PRKCE: variants seen among roughly 807,000 people sequenced by gnomAD.
The protein encoded by PRKCE is protein kinase C epsilon.
A neutral mutation model predicts 85.4 loss-of-function variants in PRKCE; 16 were observed. The ratio of observed to expected loss-of-function variants is 0.19; its 90% CI spans 0.13 to 0.28. The LOEUF (loss-of-function observed/expected upper bound fraction) is 0.28, where lower values mean the gene tolerates loss of function less well. Among genes scored for constraint, PRKCE ranks in the 10% least tolerant of loss-of-function variants. The probability of loss-of-function intolerance (pLI) is 1.00; values close to 1 mark genes in which losing one functional copy is unlikely to be tolerated. For synonymous variants in PRKCE, 388 were observed against 371.5 expected, an observed-to-expected ratio of 1.04 and a Z score of -0.51; for missense variants, 573 against 975.2, an observed-to-expected ratio of 0.59 and a Z score of 5.49.
chr2:45,721,450 G>C (rs1680610512), intron 1 of PRKCE, among the ~76,000 whole-genome samples: 1 of 152,186 alleles, frequency 6.6e-6, no homozygotes, highest in Non-Finnish European at 1.5e-5. Context: ...AGTGCAGAAG[G>C]TGGAATTCTC....
chr2:45,931,287 A>C (rs992286676), intron 2 of PRKCE, among the ~76,000 whole-genome samples: 1 of 152,220 alleles, frequency 6.6e-6, no homozygotes, highest in African/African-American at 2.4e-5. Flanking sequence ...CTTTGTGCTC[A>C]ATGCTGTGAT....
At chr2:46,038,443 G>C (rs1178227179) in intron 10 of PRKCE, among the ~76,000 whole-genome samples, 8 of 152,194 alleles carry the variant, frequency 5.3e-5, no homozygotes, top group African/African-American at 1.9e-4. Context: ...ACTTACCCAT[G>C]GGCAGGATAT....
intron 1 of PRKCE, among the ~76,000 whole-genome samples, chr2:45,670,349 T>G (rs1452020334): frequency 2.0e-5 from 3 of 152,218 alleles, no homozygotes; most frequent in Non-Finnish European, 2.9e-5. Context: ...TCTAGGCTAT[T>G]GGTTTTCAAA....
chr2:45,889,002 C>A (rs1022468502), intron 2 of PRKCE, among the ~76,000 whole-genome samples: 1 of 151,736 alleles, frequency 6.6e-6, no homozygotes, highest in African/African-American at 2.4e-5. Context: ...TGAGATACCC[C>A]CAAAGAGGTA....
intron 13 of PRKCE, among the ~76,000 whole-genome samples, chr2:46,158,917 A>C (rs752311215): frequency 1.3e-5 from 2 of 152,140 alleles, no homozygotes; most frequent in Non-Finnish European, 2.9e-5. Context: ...GGATCGCCAG[A>C]CACCACCCAG....
intron 10 of PRKCE, among the ~76,000 whole-genome samples, chr2:46,052,054 A>G (rs988479019): frequency 2.0e-5 from 3 of 152,222 alleles, no homozygotes; most frequent in Non-Finnish European, 4.4e-5. Flanking sequence ...AGATCTGGGT[A>G]GGGACACAAA....
At chr2:46,106,687 G>A (rs557414751) in intron 11 of PRKCE, among the ~76,000 whole-genome samples, 3 of 152,176 alleles carry the variant, frequency 2.0e-5, no homozygotes, top group African/African-American at 4.8e-5. Flanking sequence ...TTTTCTGTGT[G>A]TCTGAATGTC....
At chr2:45,872,081 C>A (rs1694135429) in intron 2 of PRKCE, among the ~76,000 whole-genome samples, 1 of 143,192 alleles carries the variant, frequency 7.0e-6, no homozygotes, top group African/African-American at 2.6e-5. Context: ...AGATAGATTG[C>A]AGATACTTGA....
intron 11 of PRKCE, among the ~76,000 whole-genome samples, chr2:46,114,021 G>T (rs1215185614): frequency 6.6e-6 from 1 of 152,028 alleles, no homozygotes; most frequent in Non-Finnish European, 1.5e-5. Context: ...TGCAGTTTGG[G>T]TTTAACGGGA....
chr2:46,020,925 C>T (rs1558969599), intron 10 of PRKCE, among the ~76,000 whole-genome samples: 1 of 152,206 alleles, frequency 6.6e-6, no homozygotes, highest in African/African-American at 2.4e-5. Flanking sequence ...TTACCCAAGT[C>T]CCATGGGATG....
chr2:46,104,296 C>CTTTTT (rs59018550), intron 11 of PRKCE, among the ~76,000 whole-genome samples: 8,536 of 118,202 alleles, frequency 0.072, 430 homozygotes, highest in Middle Eastern at 0.11. Context: ...TCACCTTGTA[C>CTTTTT]TTTTTTTTTT....
chr2:46,140,920 G>A (rs933083891), intron 11 of PRKCE, among the ~76,000 whole-genome samples: 2 of 152,034 alleles, frequency 1.3e-5, no homozygotes, highest in African/African-American at 2.4e-5. Context: ...AAACATGCTC[G>A]AACTTACAGA....
chr2:46,079,708 G>A (rs1668889679), intron 10 of PRKCE, among the ~76,000 whole-genome samples: 1 of 152,242 alleles, frequency 6.6e-6, no homozygotes, highest in African/African-American at 2.4e-5. Context: ...GCTGACAGGT[G>A]ATGGAGAATC....
At chr2:46,122,177 A>G (rs1298305117) in intron 11 of PRKCE, among the ~76,000 whole-genome samples, 4 of 151,978 alleles carry the variant, frequency 2.6e-5, no homozygotes, top group Non-Finnish European at 5.9e-5. Context: ...TTCTGCCAAT[A>G]GGTTAGTTTT....
chr2:46,103,661 A>G (rs1406721182), intron 11 of PRKCE, among the ~76,000 whole-genome samples: 2 of 152,210 alleles, frequency 1.3e-5, no homozygotes, highest in South Asian at 2.1e-4. Context: ...AGCCTTACTG[A>G]TAACATAAAC....
intron 2 of PRKCE, among the ~76,000 whole-genome samples, chr2:45,947,124 A>G (rs1700295594): frequency 6.6e-6 from 1 of 152,244 alleles, no homozygotes; most frequent in South Asian, 2.1e-4. Context: ...GTGCAATCGA[A>G]TGTTATTCAG....
At chr2:46,168,967 G>T (rs1678617679) in intron 14 of PRKCE, among the ~76,000 whole-genome samples, 1 of 152,206 alleles carries the variant, frequency 6.6e-6, no homozygotes, top group Non-Finnish European at 1.5e-5. Context: ...AGGGACAGGG[G>T]TCAGAGCCTG....
chr2:46,092,853 T>C (rs778746814), intron 11 of PRKCE, among the ~76,000 whole-genome samples: 14 of 152,140 alleles, frequency 9.2e-5, no homozygotes, highest in Admixed American at 2.0e-4. Context: ...TGGCACACAG[T>C]TAGGGATTTG....
intron 1 of PRKCE, among the ~76,000 whole-genome samples, chr2:45,760,997 A>G (rs74479859): frequency 0.055 from 8,372 of 152,102 alleles, 250 homozygotes; most frequent in Non-Finnish European, 0.064. Context: ...ACATGTTCTC[A>G]AGGAGTTTGA....
Sources: gnomAD v4.1 joint callset for allele counts (sites outside exome capture counted in the v4.1 genomes callset) on GRCh38, gnomAD v4.1.1 for gene constraint, MANE v1.5 for transcripts, NCBI Gene and HGNC (gene_info 2026-07-23, HGNC 2026-07-21) for gene names.